Variants in RPL24 observed in about 807,000 individuals in gnomAD.
RPL24 encodes the protein large ribosomal subunit protein eL24.
RPL24 carries 7 observed loss-of-function variants against 26.4 expected under a neutral mutation model. The ratio of observed to expected loss-of-function variants is 0.27; its 90% CI spans 0.15 to 0.50. The LOEUF (loss-of-function observed/expected upper bound fraction) is 0.50, where lower values mean the gene tolerates loss of function less well. RPL24 is among the 20% of genes least tolerant of loss of function. The probability of loss-of-function intolerance (pLI) is 0.98; values close to 1 mark genes in which losing one functional copy is unlikely to be tolerated. For synonymous variants in RPL24, 67 were observed against 65.2 expected (o/e 1.03, Z -0.13); for missense variants, 109 against 194.9 (o/e 0.56, Z 2.62).
intron 2 of RPL24, 51 bp from the exon 3 acceptor site, chr3:101,685,979 A>C: frequency 8.5e-7 from 1 of 1,176,880 alleles, no homozygotes; most frequent in South Asian, 1.2e-5. Context: ...AAAGTACAAG[A>C]GGCTGAGTAA....
intron 5 of RPL24, 117 bp downstream of exon 5, chr3:101,682,312 G>A: frequency 2.5e-6 from 2 of 815,856 alleles, no homozygotes; most frequent in Non-Finnish European, 4.3e-6. Flanking sequence ...GTTGCAGTGA[G>A]CTGAGATCAG....
At chr3:101,684,845 T>G (rs1937315047) in intron 3 of RPL24, among the ~76,000 whole-genome samples, 1 of 139,684 alleles carries the variant, frequency 7.2e-6, no homozygotes, top group Non-Finnish European at 1.5e-5. Flanking sequence ...TTCATAGCGC[T>G]GTGTAGCTAT....
At chr3:101,681,593 C>T (rs140087149) in intron 5 of RPL24, 304 of 171,162 alleles carry the variant, frequency 1.8e-3, no homozygotes, top group African/African-American at 7.0e-3. Context: ...AGGGGCTCAT[C>T]CCAACACTTC....
Position 101,681,184 on chromosome 3 carries a change from A to G in RPL24, c.425T>C (p.Ile142Thr). 1.2e-6 allele frequency: 2 copies of G among 1,613,940 alleles called. No homozygotes were observed. The highest frequency in any genetic ancestry group is 8.5e-7 in the Non-Finnish European group (1 of 1,179,836). Reference protein sequence around the residue: ...APTKAAPKQKIVKPVKVSAPR... With the variant: ...APTKAAPKQKTVKPVKVSAPR... ...AGCTGAAACTTTCACAGGCTTCACA[A>G]TCTTTTGCTTAGGTGCTGCCTTTGT... The change falls in exon 6 of 6, where the codon ATT becomes ACT. Residue 142 changes from isoleucine to threonine, a missense_variant. Ile to Thr is a moderately conservative substitution (Grantham distance 89, BLOSUM62 -1). Transcript: ENST00000394077.
chr3:101,686,571 T>G lies in RPL24; in HGVS notation c.6-14A>C. The G allele has an allele frequency of 6.2e-7, 1 of 1,614,084 alleles. No individual in the cohort carries two copies. Among genetic ancestry groups the G allele is most frequent in the Non-Finnish European group, 8.5e-7 (1 of 1,180,010 alleles). On this transcript the variant is annotated splice_polypyrimidine_tract_variant and intron_variant, in intron 1 of 5. Transcript: ENST00000394077. ...CACAGCTCGACCCTGCAACAAAAAG[T>G]GAAAGTCCATCAGGGAGGGTGTCTA...
intron 3 of RPL24, among the ~76,000 whole-genome samples, chr3:101,684,139 G>C (rs372419744): frequency 6.7e-6 from 1 of 149,822 alleles, no homozygotes; most frequent in African/African-American, 2.5e-5. Flanking sequence ...AATTACAGGC[G>C]TGAGGCACTG....
chr3:101,683,457 G>A (rs892230475), intron 3 of RPL24, among the ~76,000 whole-genome samples: 1 of 152,070 alleles, frequency 6.6e-6, no homozygotes, highest in Non-Finnish European at 1.5e-5. Context: ...GTTTATTAAG[G>A]CACTGACATG....
rs183241172 is a variant in RPL24, at chr3:101,686,046, G to A, written c.82-118C>T. On this transcript the variant is annotated intron_variant, in intron 2 of 5. Transcript: ENST00000394077. ...TTCTGGCTTATCATTTTACAAAACTGAGGCCCACAAGGACCAAAAGGCTGT... is the reference window on the plus strand; with the variant it reads ...TTCTGGCTTATCATTTTACAAAACTAAGGCCCACAAGGACCAAAAGGCTGT... 4.2e-5 allele frequency: 29 copies of A among 690,570 alleles called. No individual in the cohort carries two copies. In the East Asian group the frequency reaches 7.4e-4, roughly 18 times the overall value. 42.8% of individuals were successfully genotyped at this position (690,570 alleles called of 1,614,324 possible).
chr3:101,683,302 C>G (rs1937285171), intron 3 of RPL24, among the ~76,000 whole-genome samples: 1 of 152,160 alleles, frequency 6.6e-6, no homozygotes, highest in South Asian at 2.1e-4. Context: ...AGGAGAGCCA[C>G]CAAATGTTAG....
intron 3 of RPL24, 89 bp downstream of exon 3, chr3:101,685,729 G>A (rs1937329479): frequency 3.0e-6 from 2 of 675,436 alleles, no homozygotes; most frequent in Non-Finnish European, 2.6e-6. Context: ...CATACAGTCT[G>A]ATTTAATTTT....
intron 5 of RPL24, chr3:101,681,443 C>G (rs1324007943): frequency 5.6e-6 from 3 of 537,798 alleles, no homozygotes; most frequent in Non-Finnish European, 1.0e-5. Flanking sequence ...GAGACACAAC[C>G]AAGTGCAGTG....
At position 101,682,506 on chromosome 3, in the gene RPL24, G is replaced by T; in HGVS notation, c.330-14C>A. ...TCCTTAGCAGCCCTGTGGGGTAAAA[G>T]TAACTTAAGGCAAAAGCACTTTACT... On this transcript the variant is annotated splice_polypyrimidine_tract_variant and intron_variant, in intron 4 of 5. Transcript: ENST00000394077. 6.2e-7 allele frequency: 1 copy of T among 1,609,104 alleles called. No individual in the cohort carries two copies. Among genetic ancestry groups the T allele is most frequent in the African/African-American group, 1.3e-5 (1 of 74,706 alleles).
At chr3:101,685,991 C>T in intron 2 of RPL24, 63 bp from the exon 3 acceptor site, 1 of 1,085,440 alleles carries the variant, frequency 9.2e-7, no homozygotes, top group Non-Finnish European at 1.4e-6. Context: ...GCTGAGTAAG[C>T]TTGGAATCCT....
At chr3:101,682,594 C>T in intron 4 of RPL24, 102 bp from the exon 5 acceptor site, 3 of 1,138,416 alleles carry the variant, frequency 2.6e-6, no homozygotes. Flanking sequence ...GACCATATTC[C>T]TTCCTTCCCT....
intron 5 of RPL24, chr3:101,682,120 G>A (rs1444990388): frequency 1.1e-5 from 3 of 272,470 alleles, no homozygotes; most frequent in African/African-American, 2.2e-5. Context: ...GGGAGGCTGA[G>A]GTGGGCAGAT....
intron 5 of RPL24, 57 bp downstream of exon 5, chr3:101,682,372 A>T: frequency 6.8e-7 from 1 of 1,468,330 alleles, no homozygotes; most frequent in South Asian, 1.1e-5. Context: ...CTCCGTCTCA[A>T]AAAAAGAAAA....
At position 101,682,842 on chromosome 3, in the gene RPL24, A is replaced by C. The variant is rs1937280579; in HGVS notation, c.258T>G (p.Ser86=). The part of the protein sequence containing the change: ...VKFQRAITGA[S]LADIMAKRNQ... ...TCCTCTTGGCCATTATATCAGCAAG[A>C]GATGCACCAGTAATGGCCCTCTGGA... Residue 86 remains serine (S), a synonymous_variant, in exon 4 of 6, where the codon TCT becomes TCG. Coordinates refer to ENST00000394077, the MANE Select transcript of RPL24 (RefSeq NM_000986.4). 6.2e-7 allele frequency: 1 copy of C among 1,613,642 alleles called. No individual in the cohort carries two copies. Among genetic ancestry groups the C allele is most frequent in the African/African-American group, 1.3e-5 (1 of 74,898 alleles).
chr3:101,685,173 C>T (rs1937319847), intron 3 of RPL24, among the ~76,000 whole-genome samples: 1 of 151,618 alleles, frequency 6.6e-6, no homozygotes, highest in African/African-American at 2.4e-5. Context: ...CCTGTAATTC[C>T]TGTTTTTTTT....
chr3:101,685,904 A>G lies in RPL24; in HGVS notation c.106T>C (p.Cys36Arg). The G allele has an allele frequency of 6.2e-7, 1 of 1,613,672 alleles. No homozygotes were observed. Among genetic ancestry groups the G allele is most frequent in the Non-Finnish European group, 8.5e-7 (1 of 1,179,546 alleles). Residue 36 changes from cysteine to arginine, a missense_variant, in exon 3 of 6, where the codon TGC becomes CGC. Cys to Arg is a radical substitution (Grantham distance 180). This residue lies in a region of RPL24 where 69 missense variants were observed against 96.2 expected (regional missense o/e 0.72). Coordinates refer to ENST00000394077, the MANE Select transcript of RPL24 (RefSeq NM_000986.4). ...GKVFQFLNAK[C>R]ESAFLSKRNP... ...CTCTTGGAAAGGAAAGCCGACTCGC[A>G]TTTCGCATTAAGAAACTGGAAAACC...
Sources: gnomAD v4.1 joint callset for allele counts (sites outside exome capture counted in the v4.1 genomes callset) on GRCh38, gnomAD v4.1.1 for gene constraint, gnomAD v4.1.1 regional missense constraint, MANE v1.5 for transcripts, NCBI Gene and HGNC (gene_info 2026-07-23, HGNC 2026-07-21) for gene names.